Variants in ANKS1B observed in about 807,000 individuals in gnomAD.
ANKS1B encodes ankyrin repeat and sterile alpha motif domain containing 1B.
Under a neutral mutation model 148.3 loss-of-function variants are expected in ANKS1B, and 36 were observed. That is an observed-to-expected ratio of 0.24 (90% CI 0.19 to 0.32). The LOEUF (loss-of-function observed/expected upper bound fraction) is 0.32, where lower values mean the gene tolerates loss of function less well. ANKS1B is among the 10% of genes least tolerant of loss of function. The pLI is 1.00. For missense variants in ANKS1B, 1,157 were observed against 1,542.6 expected, an observed-to-expected ratio of 0.75 and a Z score of 4.19; for synonymous variants, 542 against 560.8, an observed-to-expected ratio of 0.97 and a Z score of 0.47.
intron 26 of ANKS1B, among the ~76,000 whole-genome samples, chr12:98,748,953 C>G (rs2097986570): frequency 6.6e-6 from 1 of 152,188 alleles, no homozygotes; most frequent in South Asian, 2.1e-4. Flanking sequence ...AATTCCTGGA[C>G]ACTTAGCAGC....
Position 99,504,369 on chromosome 12 carries a change from G to A in ANKS1B, c.1438+107C>T, listed in dbSNP as rs1241860278. ...AATAATTATTGGAACTACATTGGGGGAACTTTCATTTTGATAACATAGTAG... is the reference window on the plus strand; with the variant it reads ...AATAATTATTGGAACTACATTGGGGAAACTTTCATTTTGATAACATAGTAG... On this transcript the variant is annotated intron_variant, in intron 10 of 26. Transcript: ENST00000683438. The A allele has an allele frequency of 5.3e-6, 6 of 1,131,494 alleles. No homozygotes were observed. In the Admixed American group the frequency reaches 1.6e-4, roughly 29 times the overall value. 70.1% of individuals were successfully genotyped at this position (1,131,494 alleles called of 1,614,324 possible).
At chr12:98,750,212 A>G (rs1279788314) in intron 26 of ANKS1B, among the ~76,000 whole-genome samples, 2 of 152,148 alleles carry the variant, frequency 1.3e-5, no homozygotes, top group Non-Finnish European at 2.9e-5. Context: ...TGGGAGGACC[A>G]GGGGCTCAGA....
intron 17 of ANKS1B, among the ~76,000 whole-genome samples, chr12:98,890,958 T>C (rs1368761870): frequency 6.6e-6 from 1 of 152,186 alleles, no homozygotes; most frequent in Non-Finnish European, 1.5e-5. Context: ...TGATAGAATA[T>C]GGTAAAGTTG....
intron 17 of ANKS1B, among the ~76,000 whole-genome samples, chr12:98,860,021 C>T (rs1213336597): frequency 6.6e-6 from 1 of 152,156 alleles, no homozygotes; most frequent in Admixed American, 6.5e-5. Context: ...GAAACAAATG[C>T]AAATGGAATG....
intron 12 of ANKS1B, among the ~76,000 whole-genome samples, chr12:99,296,509 C>T (rs576510677): frequency 5.3e-5 from 8 of 152,210 alleles, no homozygotes; most frequent in African/African-American, 1.2e-4. Context: ...TTGTATCATT[C>T]GTATTTCAGC....
At chr12:99,962,942 T>C (rs1234153221) in intron 1 of ANKS1B, among the ~76,000 whole-genome samples, 1 of 150,844 alleles carries the variant, frequency 6.6e-6, no homozygotes. Flanking sequence ...GCCTCCGGAG[T>C]AGCTGGGACT....
At chr12:99,909,228 G>A (rs968914802) in intron 1 of ANKS1B, among the ~76,000 whole-genome samples, 119 of 125,556 alleles carry the variant, frequency 9.5e-4, no homozygotes, top group Admixed American at 1.4e-3. Context: ...GTGTGTGTGT[G>A]TGTGTGTGTG....
intron 14 of ANKS1B, among the ~76,000 whole-genome samples, chr12:99,155,307 T>C (rs1327931542): frequency 6.6e-6 from 1 of 152,180 alleles, no homozygotes; most frequent in Non-Finnish European, 1.5e-5. Flanking sequence ...TACCATGCTA[T>C]AGCAAAATAA....
chr12:99,517,058 T>C (rs1474504324), intron 9 of ANKS1B, among the ~76,000 whole-genome samples: 1 of 152,156 alleles, frequency 6.6e-6, no homozygotes, highest in East Asian at 1.9e-4. Context: ...AAAAATATCA[T>C]TGGTATTTGA....
intron 26 of ANKS1B, among the ~76,000 whole-genome samples, chr12:98,746,095 GCAGA>G (rs950442246): frequency 1.1e-4 from 17 of 152,212 alleles, no homozygotes; most frequent in African/African-American, 3.6e-4. Flanking sequence ...CAGACGGGGA[GCAGA>G]CAGAGGCGGA....
chr12:99,627,948 C>T (rs1232076506), intron 9 of ANKS1B, among the ~76,000 whole-genome samples: 1 of 152,134 alleles, frequency 6.6e-6, no homozygotes, highest in African/African-American at 2.4e-5. Flanking sequence ...ATCTCGCATT[C>T]CACAAAGAAC....
chr12:99,438,363 A>C (rs1399629332), intron 11 of ANKS1B, among the ~76,000 whole-genome samples: 1 of 151,842 alleles, frequency 6.6e-6, no homozygotes, highest in Non-Finnish European at 1.5e-5. Flanking sequence ...ATGAGAATAA[A>C]ATCTTTACCT....
intron 17 of ANKS1B, among the ~76,000 whole-genome samples, chr12:98,868,014 C>G (rs1444439136): frequency 6.6e-6 from 1 of 152,210 alleles, no homozygotes; most frequent in Non-Finnish European, 1.5e-5. Flanking sequence ...AGCCTGCCCT[C>G]TCTTAGCAGA....
At chr12:99,959,684 C>T (rs376808940) in intron 1 of ANKS1B, among the ~76,000 whole-genome samples, 2 of 152,018 alleles carry the variant, frequency 1.3e-5, no homozygotes, top group Non-Finnish European at 2.9e-5. Flanking sequence ...AAAAGCATAA[C>T]GCTTGCTTCA....
At chr12:99,560,604 A>G (rs1324687863) in intron 9 of ANKS1B, among the ~76,000 whole-genome samples, 6 of 152,200 alleles carry the variant, frequency 3.9e-5, no homozygotes, top group Admixed American at 3.9e-4. Flanking sequence ...TATAAACATT[A>G]TACTTACACT....
intron 8 of ANKS1B, among the ~76,000 whole-genome samples, chr12:99,659,362 C>T (rs1000772717): frequency 6.6e-6 from 1 of 151,790 alleles, no homozygotes; most frequent in African/African-American, 2.4e-5. Context: ...GGAGAACAAA[C>T]TCTGTTCCTG....
At chr12:98,857,412 TAGAG>T (rs1281448396) in intron 17 of ANKS1B, among the ~76,000 whole-genome samples, 1 of 152,144 alleles carries the variant, frequency 6.6e-6, no homozygotes, top group Non-Finnish European at 1.5e-5. Flanking sequence ...GCCTTGAGGC[TAGAG>T]AGAGAGAACT....
intron 15 of ANKS1B, among the ~76,000 whole-genome samples, chr12:99,090,867 C>T (rs2053760547): frequency 6.6e-6 from 1 of 152,066 alleles, no homozygotes; most frequent in South Asian, 2.1e-4. Flanking sequence ...CATATAGAAA[C>T]ACGGGTGACT....
chr12:99,092,823 T>C (rs1359010384), intron 15 of ANKS1B, among the ~76,000 whole-genome samples: 1 of 152,226 alleles, frequency 6.6e-6, no homozygotes, highest in Non-Finnish European at 1.5e-5. Flanking sequence ...AGCCATTACA[T>C]TCACTGTGTA....
Sources: allele counts gnomAD v4.1 joint callset (sites outside exome capture counted in the v4.1 genomes callset), GRCh38; gene constraint gnomAD v4.1.1; transcripts MANE v1.5; gene names NCBI Gene and HGNC (gene_info 2026-07-23, HGNC 2026-07-21).